Variants in SSBP2 observed in about 807,000 individuals in gnomAD.
SSBP2 encodes the protein single stranded DNA binding protein 2, also known as single-stranded DNA-binding protein 2.
SSBP2 carries 17 observed loss-of-function variants against 61.8 expected under a neutral mutation model. The ratio of observed to expected loss-of-function variants is 0.28; its 90% CI spans 0.19 to 0.41. SSBP2 has a LOEUF of 0.41. Among genes scored for constraint, SSBP2 ranks in the 10% least tolerant of loss-of-function variants. The pLI, the probability that SSBP2 is intolerant of heterozygous loss-of-function variation, is 1.00. For missense variants in SSBP2, 310 were observed against 458.7 expected (o/e 0.68, Z 2.96); for synonymous variants, 139 against 141.3 (o/e 0.98, Z 0.12).
chr5:81,488,136 G>A (rs778245628), intron 6 of SSBP2, among the ~76,000 whole-genome samples: 3 of 146,280 alleles, frequency 2.1e-5, no homozygotes, highest in African/African-American at 7.4e-5. Flanking sequence ...ATAAAGTTAG[G>A]TTTATTCCAT....
chr5:81,527,843 T>C (rs1770071151), intron 4 of SSBP2, among the ~76,000 whole-genome samples: 2 of 150,594 alleles, frequency 1.3e-5, no homozygotes, highest in African/African-American at 4.9e-5. Flanking sequence ...CCATGGCACA[T>C]GTATACTTAT....
chr5:81,584,373 G>A (rs1042690348), intron 4 of SSBP2, among the ~76,000 whole-genome samples: 9 of 152,112 alleles, frequency 5.9e-5, no homozygotes, highest in Non-Finnish European at 1.3e-4. Flanking sequence ...GGCTCCTTTA[G>A]GCTAAGCACT....
At position 81,671,170 on chromosome 5, in the gene SSBP2, T is replaced by C. The variant is rs1277044151; in HGVS notation, c.63-20831A>G. ...ATCCCAATTCATGAAAAACCCAGGA[T>C]AATCTTTTCCCTCTGATTTTAGAGG... On this transcript the variant is annotated intron_variant, in intron 1 of 16. Transcript: ENST00000320672. Among the ~76,000 whole-genome samples, 7 of 152,120 alleles carry C rather than the reference T, an allele frequency of 4.6e-5. No individual in the cohort carries two copies. The East Asian group carries it at 1.3e-3, about 29-fold the overall frequency.
intron 1 of SSBP2, among the ~76,000 whole-genome samples, chr5:81,741,903 C>T (rs748276331): frequency 2.0e-5 from 3 of 152,116 alleles, no homozygotes; most frequent in Non-Finnish European, 4.4e-5. Context: ...ATCTATGATT[C>T]TCTGTTGAAT....
chr5:81,642,457 TG>T (rs748772918), intron 2 of SSBP2, among the ~76,000 whole-genome samples: 1 of 152,358 alleles, frequency 6.6e-6, no homozygotes, highest in Non-Finnish European at 1.5e-5. Flanking sequence ...GCCTTGTCTA[TG>T]AATATGCTGT....
At chr5:81,544,637 G>A (rs548540405) in intron 4 of SSBP2, among the ~76,000 whole-genome samples, 49 of 152,200 alleles carry the variant, frequency 3.2e-4, no homozygotes, top group Admixed American at 2.4e-3. Flanking sequence ...AAAACTAAGA[G>A]TAAATGTGCT....
intron 1 of SSBP2, among the ~76,000 whole-genome samples, chr5:81,737,558 G>A (rs571484939): frequency 1.7e-4 from 26 of 151,908 alleles, no homozygotes; most frequent in Non-Finnish European, 3.5e-4. Context: ...CAAGGCAGGC[G>A]GATCACGAGG....
chr5:81,570,669 A>G (rs1265000108), intron 4 of SSBP2, among the ~76,000 whole-genome samples: 2 of 150,900 alleles, frequency 1.3e-5, no homozygotes, highest in Non-Finnish European at 2.9e-5. Context: ...CTGCAGGGTC[A>G]CCCACAGAAA....
chr5:81,736,615 T>A (rs1581448676), intron 1 of SSBP2, among the ~76,000 whole-genome samples: 1 of 152,192 alleles, frequency 6.6e-6, no homozygotes, highest in South Asian at 2.1e-4. Context: ...ATTTTCTTCA[T>A]TTTTGCTTAT....
chr5:81,572,578 G>A (rs769408146), intron 4 of SSBP2, among the ~76,000 whole-genome samples: 1 of 152,246 alleles, frequency 6.6e-6, no homozygotes, highest in East Asian at 1.9e-4. Context: ...GGCTTTAGAT[G>A]AGCCATAGAG....
intron 1 of SSBP2, among the ~76,000 whole-genome samples, chr5:81,669,815 G>GA (rs962759625): frequency 4.7e-5 from 7 of 150,032 alleles, no homozygotes; most frequent in African/African-American, 9.8e-5. Flanking sequence ...AAAGAAGGCA[G>GA]AAAAAAAAGA....
chr5:81,652,651 C>G (rs1749831784), intron 1 of SSBP2, among the ~76,000 whole-genome samples: 1 of 152,130 alleles, frequency 6.6e-6, no homozygotes, highest in African/African-American at 2.4e-5. Context: ...CTCAGGCAAT[C>G]AGAATCTATG....
intron 5 of SSBP2, 134 bp from the exon 6 acceptor site, chr5:81,489,443 C>A (rs2154052706): frequency 3.0e-6 from 2 of 668,800 alleles, no homozygotes; most frequent in East Asian, 3.3e-5. Context: ...CTGCTTTCAG[C>A]ATAATAAATG....
At chr5:81,639,568 G>T (rs1748585629) in intron 2 of SSBP2, among the ~76,000 whole-genome samples, 1 of 151,764 alleles carries the variant, frequency 6.6e-6, no homozygotes, top group Non-Finnish European at 1.5e-5. Flanking sequence ...GATAGAAAGA[G>T]CAGGAAAACA....
chr5:81,716,236 T>C (rs1755164711), intron 1 of SSBP2, among the ~76,000 whole-genome samples: 1 of 152,264 alleles, frequency 6.6e-6, no homozygotes, highest in East Asian at 1.9e-4. Context: ...TAGTTGAAGT[T>C]GTTTGTCTAC....
At chr5:81,602,092 C>T (rs556254607) in intron 4 of SSBP2, among the ~76,000 whole-genome samples, 12 of 152,196 alleles carry the variant, frequency 7.9e-5, no homozygotes, top group South Asian at 4.2e-4. Flanking sequence ...GTGTTCTGGG[C>T]CCTGCTTGCT....
intron 4 of SSBP2, among the ~76,000 whole-genome samples, chr5:81,561,456 A>T (rs555222747): frequency 1.6e-3 from 238 of 152,262 alleles, no homozygotes; most frequent in African/African-American, 5.4e-3. Flanking sequence ...ATGACTTCTA[A>T]TCCAAACCAG....
intron 1 of SSBP2, among the ~76,000 whole-genome samples, chr5:81,657,845 G>A (rs1050685387): frequency 2.6e-5 from 4 of 151,990 alleles, no homozygotes; most frequent in African/African-American, 7.2e-5. Context: ...TTTTTTAGAG[G>A]GAAGGAGGAT....
intron 2 of SSBP2, 39 bp from the exon 3 acceptor site, chr5:81,636,657 C>T (rs766097115): frequency 3.9e-5 from 56 of 1,429,414 alleles, no homozygotes; most frequent in Non-Finnish European, 5.4e-5. Context: ...CCTAATAATA[C>T]TTTTTTCCAC....
Sources: gnomAD v4.1 joint callset for allele counts (sites outside exome capture counted in the v4.1 genomes callset) on GRCh38, gnomAD v4.1.1 for gene constraint, MANE v1.5 for transcripts, NCBI Gene and HGNC (gene_info 2026-07-23, HGNC 2026-07-21) for gene names.